SPTBN1: variants seen among roughly 807,000 people sequenced by gnomAD.
SPTBN1 encodes the protein spectrin beta, non-erythrocytic 1.
Under a neutral mutation model 266.4 loss-of-function variants are expected in SPTBN1, and 32 were observed. That is an observed-to-expected ratio of 0.12 (90% confidence interval 0.09 to 0.16). The LOEUF is 0.16. Ranked by LOEUF, SPTBN1 falls within the 10% of genes least tolerant of loss-of-function variation. The pLI, the probability that SPTBN1 is intolerant of heterozygous loss-of-function variation, is 1.00. For synonymous variants in SPTBN1, 1,336 were observed against 1,162.2 expected (o/e 1.15, Z -3.04); for missense variants, 2,296 against 3,067.1 (o/e 0.75, Z 5.94).
At chr2:54,618,374 A>G (rs941374596) in intron 7 of SPTBN1, among the ~76,000 whole-genome samples, 181 bp downstream of exon 7, 1 of 152,262 alleles carries the variant, frequency 6.6e-6, no homozygotes, top group South Asian at 2.1e-4. Context: ...GCCTTGAAAG[A>G]TGAATACGAT....
intron 3 of SPTBN1, among the ~76,000 whole-genome samples, chr2:54,610,869 A>G (rs1024164136): frequency 1.3e-5 from 2 of 152,258 alleles, no homozygotes; most frequent in East Asian, 3.8e-4. Flanking sequence ...TGAAAAATAC[A>G]CAAGAACTGT....
intron 4 of SPTBN1, 79 bp downstream of exon 4, chr2:54,612,413 T>G: frequency 6.9e-7 from 1 of 1,454,588 alleles, no homozygotes; most frequent in Non-Finnish European, 9.2e-7. Flanking sequence ...CTGGCCTCCC[T>G]GTATCAGAGG....
chr2:54,583,950 C>T (rs1028557092), intron 2 of SPTBN1, among the ~76,000 whole-genome samples: 3 of 151,766 alleles, frequency 2.0e-5, no homozygotes, highest in Non-Finnish European at 4.4e-5. Flanking sequence ...AATATGTGCT[C>T]CTAAAAAAAC....
intron 2 of SPTBN1, among the ~76,000 whole-genome samples, chr2:54,574,394 T>C (rs1674313863): frequency 6.6e-6 from 1 of 152,194 alleles, no homozygotes; most frequent in Non-Finnish European, 1.5e-5. Flanking sequence ...CATTTAGGTG[T>C]GGCAGGATCT....
intron 3 of SPTBN1, among the ~76,000 whole-genome samples, chr2:54,608,241 G>C (rs191788482): frequency 6.6e-6 from 1 of 152,174 alleles, no homozygotes; most frequent in Admixed American, 6.5e-5. Flanking sequence ...CTTAGGAAGC[G>C]AACAGTCTAG....
At chr2:54,551,289 T>G (rs1672550986) in intron 2 of SPTBN1, among the ~76,000 whole-genome samples, 1 of 152,226 alleles carries the variant, frequency 6.6e-6, no homozygotes, top group Admixed American at 6.5e-5. Context: ...AGGCCTGGCC[T>G]CAACTGCATT....
intron 1 of SPTBN1, among the ~76,000 whole-genome samples, chr2:54,503,630 G>A (rs752606135): frequency 2.0e-5 from 3 of 152,162 alleles, no homozygotes; most frequent in Non-Finnish European, 2.9e-5. Flanking sequence ...TCACAAACAG[G>A]CCTTTCCTTT....
In SPTBN1 at chr2:54,644,526, T is replaced by G; in HGVS notation, c.4209T>G (p.Ile1403Met). 6.2e-7 allele frequency: 1 copy of G among 1,614,112 alleles called. No individual in the cohort carries two copies. Among genetic ancestry groups the G allele is most frequent in the Non-Finnish European group, 8.5e-7 (1 of 1,179,944 alleles). ...GGCTGCACGGCCTGGAGAGTCAGAT[T>G]CAGTCTGATGACTATGGCAAAGACC... The part of the protein sequence containing the change: ...DKWLHGLESQ[I>M]QSDDYGKDLT... The change falls in exon 20 of 36, where the codon ATT (isoleucine) becomes ATG (methionine). Residue 1403 changes from isoleucine (I) to methionine (M), a missense_variant. Ile to Met is a conservative substitution (Grantham distance 10). Transcript: ENST00000356805.
chr2:54,469,543 T>C (rs1360369230), intron 1 of SPTBN1, among the ~76,000 whole-genome samples: 1 of 152,162 alleles, frequency 6.6e-6, no homozygotes, highest in African/African-American at 2.4e-5. Context: ...GGGAAATGCT[T>C]GATGGTTACT....
At chr2:54,621,666 A>G (rs1478188122) in intron 8 of SPTBN1, among the ~76,000 whole-genome samples, 154 bp downstream of exon 8, 1 of 152,208 alleles carries the variant, frequency 6.6e-6, no homozygotes, top group African/African-American at 2.4e-5. Context: ...CCTGAAGGGT[A>G]ACAAGAGGTG....
At chr2:54,498,682 A>T (rs1669097159) in intron 1 of SPTBN1, among the ~76,000 whole-genome samples, 1 of 152,138 alleles carries the variant, frequency 6.6e-6, no homozygotes, top group Non-Finnish European at 1.5e-5. Flanking sequence ...TCCATACTAT[A>T]TTTTTTTTCA....
At chr2:54,537,047 A>G (rs1036447972) in intron 2 of SPTBN1, among the ~76,000 whole-genome samples, 1 of 152,314 alleles carries the variant, frequency 6.6e-6, no homozygotes, top group Non-Finnish European at 1.5e-5. Context: ...AAATAAATAC[A>G]TACATACAAG....
intron 2 of SPTBN1, among the ~76,000 whole-genome samples, chr2:54,563,960 T>A (rs1012554009): frequency 6.6e-6 from 1 of 152,170 alleles, no homozygotes; most frequent in African/African-American, 2.4e-5. Flanking sequence ...GAGGCTAGCT[T>A]TCCAGAATTC....
At chr2:54,475,198 C>T (rs908512737) in intron 1 of SPTBN1, among the ~76,000 whole-genome samples, 3 of 152,064 alleles carry the variant, frequency 2.0e-5, no homozygotes, top group Admixed American at 2.0e-4. Context: ...AAGAGCGAAA[C>T]TCCGTCTCAA....
Position 54,558,067 on chromosome 2 carries a change from A to G in SPTBN1, c.148+31501A>G. 1.0e-6 allele frequency: 1 copy of G among 985,336 alleles called. No individual in the cohort carries two copies. Among genetic ancestry groups the G allele is most frequent in the Non-Finnish European group, 1.2e-6 (1 of 829,892 alleles). The allele number at this position is 985,336 out of a possible 1,614,324, so 61.0% of individuals were successfully genotyped here. On this transcript the variant is annotated intron_variant, in intron 2 of 35. Transcript: ENST00000356805. The surrounding 1 kb of genome is among the most constrained non-coding windows in gnomAD (Gnocchi z 4.6). ...GTCCCGTGGGCGCGCTAGCCTTTTCAAGTGATAGTAATCGGAGACTTTTCC... is the reference window on the plus strand; with the variant it reads ...GTCCCGTGGGCGCGCTAGCCTTTTCGAGTGATAGTAATCGGAGACTTTTCC...
intron 2 of SPTBN1, among the ~76,000 whole-genome samples, chr2:54,587,419 T>C (rs1290340807): frequency 6.6e-6 from 1 of 152,246 alleles, no homozygotes; most frequent in Non-Finnish European, 1.5e-5. Context: ...TCTTTTCTAC[T>C]TAGTCTGTAT....
At chr2:54,543,544 A>C (rs1274212790) in intron 2 of SPTBN1, among the ~76,000 whole-genome samples, 1 of 151,562 alleles carries the variant, frequency 6.6e-6, no homozygotes, top group Admixed American at 6.6e-5. Flanking sequence ...GGCATTTGTG[A>C]CCCTCAGTCC....
chr2:54,649,302 T>C lies in SPTBN1; in HGVS notation c.5202+112T>C. 1 of 1,229,352 alleles carries C rather than the reference T, an allele frequency of 8.1e-7. No individual in the cohort carries two copies. Among genetic ancestry groups the C allele is most frequent in the Non-Finnish European group, 1.1e-6 (1 of 896,820 alleles). The allele number at this position is 1,229,352 out of a possible 1,614,324, so 76.2% of individuals were successfully genotyped here. ...AAATGCCCTGGACTCCAATCAGAGG[T>C]CTTGGGGTTTAGTTTTAAGGTGGTG... On this transcript the variant is annotated intron_variant, in intron 25 of 35. Coordinates refer to ENST00000356805, the MANE Select transcript of SPTBN1 (RefSeq NM_003128.3). This position sits in a 1 kb window ranked among gnomAD's most constrained non-coding sequence, Gnocchi z 6.7.
intron 3 of SPTBN1, among the ~76,000 whole-genome samples, chr2:54,605,391 A>G (rs1188619578): frequency 2.0e-5 from 3 of 152,160 alleles, no homozygotes; most frequent in Non-Finnish European, 4.4e-5. Context: ...AGATTGCTTC[A>G]TCTCTCTGAG....
Sources: allele counts gnomAD v4.1 joint callset (sites outside exome capture counted in the v4.1 genomes callset), GRCh38; gene constraint gnomAD v4.1.1; non-coding constraint Gnocchi (gnomAD v3.1); transcripts MANE v1.5; gene names NCBI Gene and HGNC (gene_info 2026-07-23, HGNC 2026-07-21).